The following PHC3 variants were observed in gnomAD, a reference collection of about 807,000 sequenced individuals.
PHC3 encodes the protein polyhomeotic homolog 3, also known as polyhomeotic-like protein 3.
A neutral mutation model predicts 107.4 loss-of-function variants in PHC3; 13 were observed. The observed-to-expected ratio is 0.12, with a 90% CI of 0.08 to 0.19. The LOEUF is 0.19. PHC3 is among the 10% of genes least tolerant of loss of function. The pLI is 1.00. For missense variants in PHC3, 992 were observed against 1,210.9 expected (o/e 0.82, Z 2.68); for synonymous variants, 456 against 427.4 (o/e 1.07, Z -0.83).
Position 170,149,090 on chromosome 3 carries a change from T to C in PHC3, c.569A>G (p.Gln190Arg). 1 of 1,612,426 alleles carries C rather than the reference T, an allele frequency of 6.2e-7. No homozygotes were observed. Among genetic ancestry groups the C allele is most frequent in the Non-Finnish European group, 8.5e-7 (1 of 1,179,442 alleles). ...ASQAQMYLRA[Q>R]MLIFTPATTV... ...ATTTGGTAGCTCATATCTTACCATT[T>C]GAGCTCGGAGATACATTTGAGCTTG... The change falls in exon 5 of 15, where the codon CAA becomes CGA. Residue 190 changes from glutamine (Q) to arginine (R), a missense_variant. This residue lies in a region of PHC3 where 35 missense variants were observed against 73.6 expected (regional missense o/e 0.48). Coordinates refer to ENST00000495893, the MANE Select transcript of PHC3 (RefSeq NM_024947.4).
At position 170,122,583 on chromosome 3, in the gene PHC3, T is replaced by C; in HGVS notation, c.1942+8A>G. Reference sequence around the variant, plus strand: ...GAAAAATTCCCACAAATTTTGGTATTTTCTCACCTAACAAAGGATGTTCAG... The same window carrying C: ...GAAAAATTCCCACAAATTTTGGTATCTTCTCACCTAACAAAGGATGTTCAG... On this transcript the variant is annotated splice_region_variant and intron_variant, in intron 9 of 14. Coordinates refer to ENST00000495893, the MANE Select transcript of PHC3 (RefSeq NM_024947.4). 1 of 1,613,724 alleles carries C rather than the reference T, an allele frequency of 6.2e-7. No individual in the cohort carries two copies. Among genetic ancestry groups the C allele is most frequent in the Non-Finnish European group, 8.5e-7 (1 of 1,179,674 alleles).
chr3:170,161,306 C>A (rs1162583195), intron 4 of PHC3, among the ~76,000 whole-genome samples: 1 of 152,192 alleles, frequency 6.6e-6, no homozygotes, highest in African/African-American at 2.4e-5. Context: ...TCCAATCTGT[C>A]AGTCTATGGA....
intron 4 of PHC3, among the ~76,000 whole-genome samples, chr3:170,163,461 A>AGT (rs56986650): frequency 0.07 from 10,212 of 146,174 alleles, 408 homozygotes; most frequent in African/African-American, 0.12. Flanking sequence ...TTTAGTAAAG[A>AGT]GTGTGTGTGT....
At chr3:170,113,740 C>T (rs1718321079) in intron 10 of PHC3, among the ~76,000 whole-genome samples, 1 of 152,146 alleles carries the variant, frequency 6.6e-6, no homozygotes, top group African/African-American at 2.4e-5. Context: ...TTCAAAGTCT[C>T]TGTCAAATGG....
chr3:170,117,586 A>C (rs1323366783), intron 9 of PHC3, 110 bp from the exon 10 acceptor site: 2 of 1,129,286 alleles, frequency 1.8e-6, no homozygotes, highest in African/African-American at 3.1e-5. Flanking sequence ...TGGTACTTTC[A>C]AAAACTGTTC....
intron 10 of PHC3, among the ~76,000 whole-genome samples, chr3:170,114,132 C>G (rs1718421929): frequency 6.6e-6 from 1 of 152,172 alleles, no homozygotes; most frequent in African/African-American, 2.4e-5. Context: ...GTCTCGGCCT[C>G]CCAAGTAGCT....
intron 11 of PHC3, among the ~76,000 whole-genome samples, 186 bp from the exon 12 acceptor site, chr3:170,107,132 C>G (rs1716686214): frequency 6.6e-6 from 1 of 152,110 alleles, no homozygotes. Flanking sequence ...CCTCTTGCTT[C>G]TGCATAAAAA....
intron 7 of PHC3, among the ~76,000 whole-genome samples, chr3:170,134,453 G>A (rs1722743585): frequency 6.6e-6 from 1 of 152,064 alleles, no homozygotes; most frequent in South Asian, 2.1e-4. Flanking sequence ...GCCTCCCAAA[G>A]TGCTGGGATT....
In PHC3 at chr3:170,181,521, C is replaced by G. The variant is rs370603377; in HGVS notation, c.14+181G>C. On this transcript the variant is annotated intron_variant, in intron 1 of 14. Transcript: ENST00000495893. ...CTCCTGCCTGGAGGGTAACTGGACCCTAGAGTTCGTCTTCGCCCCGCGACA... is the reference window on the plus strand; with the variant it reads ...CTCCTGCCTGGAGGGTAACTGGACCGTAGAGTTCGTCTTCGCCCCGCGACA... Among the ~76,000 whole-genome samples the G allele has an allele frequency of 1.6e-4, 24 of 152,256 alleles. No individual in the cohort carries two copies. In the East Asian group the frequency reaches 3.1e-3, roughly 20 times the overall value.
chr3:170,161,690 T>A (rs1330504313), intron 4 of PHC3, among the ~76,000 whole-genome samples: 1 of 152,166 alleles, frequency 6.6e-6, no homozygotes, highest in Non-Finnish European at 1.5e-5. Context: ...CAACAGAAAT[T>A]TATTTTGCAC....
chr3:170,152,072 ATAT>A (rs1054789732), intron 4 of PHC3, among the ~76,000 whole-genome samples: 7 of 152,046 alleles, frequency 4.6e-5, no homozygotes, highest in African/African-American at 1.4e-4. Flanking sequence ...TATATATCAC[ATAT>A]TTTTATTTTA....
intron 4 of PHC3, among the ~76,000 whole-genome samples, chr3:170,157,066 A>G (rs549055568): frequency 6.6e-6 from 1 of 152,358 alleles, no homozygotes; most frequent in African/African-American, 2.4e-5. Flanking sequence ...GAAAACTTGC[A>G]ATGTCAGAAC....
At chr3:170,106,976 G>T (rs1344486648) in intron 11 of PHC3, 30 bp from the exon 12 acceptor site, 2 of 1,535,766 alleles carry the variant, frequency 1.3e-6, no homozygotes, top group Non-Finnish European at 8.8e-7. Context: ...AGGAAAAAAA[G>T]GTTCCAAAAA....
chr3:170,142,241 T>C (rs967954242), intron 6 of PHC3, among the ~76,000 whole-genome samples: 1 of 152,204 alleles, frequency 6.6e-6, no homozygotes, highest in Non-Finnish European at 1.5e-5. Flanking sequence ...AAATATATTA[T>C]AAATGTTATT....
chr3:170,167,674 C>T (rs919553925), intron 4 of PHC3, among the ~76,000 whole-genome samples: 5 of 151,100 alleles, frequency 3.3e-5, no homozygotes, highest in Non-Finnish European at 7.4e-5. Context: ...GCAGGAGAAT[C>T]GCTTGAACCC....
rs1713628713 is a variant in PHC3, at chr3:170,087,638, T to C, written c.*9592A>G. ...AAATGAACTTACAACTGATCTACAA[T>C]ATATTATTGTAATATAAACAATATA... is the stretch of plus-strand genomic sequence containing the variant. On this transcript the variant is annotated 3_prime_UTR_variant, in exon 15 of 15. Coordinates refer to ENST00000495893, the MANE Select transcript of PHC3 (RefSeq NM_024947.4). 2 of 152,150 alleles carry C rather than the reference T, an allele frequency of 1.3e-5. No homozygotes were observed. Among genetic ancestry groups the C allele is most frequent in the South Asian group, 4.1e-4 (2 of 4,832 alleles). 9.4% of individuals were successfully genotyped at this position (152,150 alleles called of 1,614,324 possible).
At chr3:170,160,671 C>T (rs1188488847) in intron 4 of PHC3, among the ~76,000 whole-genome samples, 1 of 152,166 alleles carries the variant, frequency 6.6e-6, no homozygotes, top group Non-Finnish European at 1.5e-5. Context: ...GAGGCCAAAA[C>T]AGGCAGATCA....
chr3:170,111,892 T>C (rs1052313506), intron 11 of PHC3, among the ~76,000 whole-genome samples: 1 of 152,170 alleles, frequency 6.6e-6, no homozygotes, highest in African/African-American at 2.4e-5. Context: ...GCTCAATAAA[T>C]ATTTGTAAAG....
intron 4 of PHC3, among the ~76,000 whole-genome samples, chr3:170,150,418 G>A (rs975798301): frequency 2.0e-5 from 3 of 151,610 alleles, no homozygotes; most frequent in Admixed American, 6.6e-5. Flanking sequence ...ATTGTTGGCC[G>A]GGCGCAGTGG....
Sources: gnomAD v4.1 joint callset for allele counts (sites outside exome capture counted in the v4.1 genomes callset) on GRCh38, gnomAD v4.1.1 for gene constraint, gnomAD v4.1.1 regional missense constraint, MANE v1.5 for transcripts, NCBI Gene and HGNC (gene_info 2026-07-23, HGNC 2026-07-21) for gene names.